The following RBFOX1 variants were observed in gnomAD, a reference collection of about 807,000 sequenced individuals.
RBFOX1 encodes RNA binding protein fox-1 homolog 1.
Under a neutral mutation model 57.7 loss-of-function variants are expected in RBFOX1, and 8 were observed. The ratio of observed to expected loss-of-function variants is 0.14; its 90% CI spans 0.08 to 0.25. RBFOX1 has a LOEUF of 0.25. RBFOX1 is among the 10% of genes least tolerant of loss of function. The pLI is 1.00. For missense variants in RBFOX1, 611 were observed against 548.5 expected (o/e 1.11, Z -1.14); for synonymous variants, 326 against 222.4 (o/e 1.47, Z -4.15).
chr16:7,582,338 A>G (rs1204368282), intron 6 of RBFOX1, among the ~76,000 whole-genome samples: 1 of 152,126 alleles, frequency 6.6e-6, no homozygotes. Flanking sequence ...CCCTTTTTTT[A>G]AAAGTATGCA....
chr16:5,751,855 A>G (rs1453691475), intron 3 of RBFOX1, among the ~76,000 whole-genome samples: 1 of 152,242 alleles, frequency 6.6e-6, no homozygotes, highest in Non-Finnish European at 1.5e-5. Flanking sequence ...CCATTGTGGA[A>G]GACAGTGTGG....
intron 2 of RBFOX1, among the ~76,000 whole-genome samples, chr16:6,471,935 A>G (rs1364490673): frequency 6.6e-6 from 1 of 152,180 alleles, no homozygotes; most frequent in Non-Finnish European, 1.5e-5. Flanking sequence ...CAGCCAAGGC[A>G]ACAACTTCCC....
intron 4 of RBFOX1, among the ~76,000 whole-genome samples, chr16:7,265,551 C>T (rs943153200): frequency 1.4e-4 from 21 of 152,026 alleles, no homozygotes; most frequent in Admixed American, 9.2e-4. Context: ...CGTGTTGAAG[C>T]GATTCTCCTG....
chr16:6,656,555 C>G (rs140154862), intron 3 of RBFOX1, among the ~76,000 whole-genome samples: 5 of 151,346 alleles, frequency 3.3e-5, no homozygotes, highest in Admixed American at 6.6e-5. Context: ...AATGGTCATA[C>G]TGTGCATATG....
chr16:7,123,487 C>T (rs1393164659), intron 4 of RBFOX1, among the ~76,000 whole-genome samples: 1 of 152,120 alleles, frequency 6.6e-6, no homozygotes, highest in Admixed American at 6.5e-5. Context: ...GCCTTAGCTT[C>T]CTGAGTAGCT....
At chr16:6,411,034 C>G (rs990794697) in intron 2 of RBFOX1, among the ~76,000 whole-genome samples, 1 of 152,184 alleles carries the variant, frequency 6.6e-6, no homozygotes, top group Non-Finnish European at 1.5e-5. Flanking sequence ...GAAGAGGAAA[C>G]CATGGCTCCC....
intron 1 of RBFOX1, among the ~76,000 whole-genome samples, chr16:5,405,221 T>A (rs951883142): frequency 6.6e-6 from 1 of 152,148 alleles, no homozygotes; most frequent in East Asian, 1.9e-4. Flanking sequence ...CTTGGTGACA[T>A]GGTTTGGCTG....
intron 2 of RBFOX1, among the ~76,000 whole-genome samples, chr16:6,588,923 A>G (rs1315429659): frequency 6.6e-6 from 1 of 152,072 alleles, no homozygotes; most frequent in Non-Finnish European, 1.5e-5. Context: ...TAACTGACAA[A>G]TTTCCCCAGG....
intron 4 of RBFOX1, among the ~76,000 whole-genome samples, chr16:7,137,263 C>G (rs984700408): frequency 6.6e-6 from 1 of 152,258 alleles, no homozygotes; most frequent in South Asian, 2.1e-4. Flanking sequence ...CCTATTCTGA[C>G]CAGCACAGGT....
intron 4 of RBFOX1, among the ~76,000 whole-genome samples, chr16:5,908,417 A>T (rs2058530630): frequency 6.6e-6 from 1 of 151,240 alleles, no homozygotes; most frequent in South Asian, 2.1e-4. Context: ...CAGTAGTGCG[A>T]TCTTGGCTCA....
chr16:6,583,328 G>T (rs2097563550), intron 2 of RBFOX1, among the ~76,000 whole-genome samples: 1 of 152,154 alleles, frequency 6.6e-6, no homozygotes, highest in Non-Finnish European at 1.5e-5. Flanking sequence ...CTGACAGTGG[G>T]AAATGGGTGG....
intron 4 of RBFOX1, among the ~76,000 whole-genome samples, chr16:7,437,355 A>G (rs2098731179): frequency 6.6e-6 from 1 of 151,732 alleles, no homozygotes; most frequent in South Asian, 2.1e-4. Flanking sequence ...AACATGGGGA[A>G]AATGACTCCT....
intron 4 of RBFOX1, among the ~76,000 whole-genome samples, chr16:7,174,424 T>C (rs2081273315): frequency 6.6e-6 from 1 of 152,184 alleles, no homozygotes; most frequent in Admixed American, 6.6e-5. Flanking sequence ...TTCACCTTTC[T>C]TGGGTAGATA....
intron 3 of RBFOX1, among the ~76,000 whole-genome samples, chr16:5,681,692 C>G (rs564982969): frequency 6.6e-6 from 1 of 151,964 alleles, no homozygotes; most frequent in Non-Finnish European, 1.5e-5. Context: ...TGTGCCCGGC[C>G]GGTAAGATTT....
At chr16:6,159,641 G>C (rs2096863439) in intron 1 of RBFOX1, among the ~76,000 whole-genome samples, 1 of 152,086 alleles carries the variant, frequency 6.6e-6, no homozygotes, top group Non-Finnish European at 1.5e-5. Context: ...ACCTTCCCAC[G>C]TCTCAGACAG....
intron 4 of RBFOX1, among the ~76,000 whole-genome samples, chr16:7,136,528 G>A (rs904436578): frequency 1.0e-4 from 15 of 150,236 alleles, no homozygotes; most frequent in South Asian, 2.1e-4. Context: ...AACCTCATCC[G>A]CTCGAGTAGC....
At chr16:6,590,243 T>A (rs993337828) in intron 2 of RBFOX1, among the ~76,000 whole-genome samples, 1 of 152,226 alleles carries the variant, frequency 6.6e-6, no homozygotes, top group Admixed American at 6.5e-5. Context: ...AGTTCGATTA[T>A]CTTTCATGAT....
intron 1 of RBFOX1, among the ~76,000 whole-genome samples, chr16:6,118,738 T>A (rs2096525479): frequency 6.8e-6 from 1 of 147,794 alleles, no homozygotes; most frequent in Admixed American, 6.7e-5. Context: ...TCTCTCTCTC[T>A]GTCCTTCCTT....
intron 4 of RBFOX1, among the ~76,000 whole-genome samples, chr16:5,949,244 G>A (rs905040444): frequency 2.0e-5 from 3 of 152,128 alleles, no homozygotes; most frequent in East Asian, 1.9e-4. Context: ...TGTCCCAGAA[G>A]TGTCCTTTCT....
Sources: allele counts gnomAD v4.1 joint callset (sites outside exome capture counted in the v4.1 genomes callset), GRCh38; gene constraint gnomAD v4.1.1; transcripts MANE v1.5; gene names NCBI Gene and HGNC (gene_info 2026-07-23, HGNC 2026-07-21).